Variants in TPM1 observed in about 807,000 individuals in gnomAD.
TPM1 encodes tropomyosin 1, also known as tropomyosin alpha-1 chain.
A neutral mutation model predicts 42.9 loss-of-function variants in TPM1; 24 were observed. The observed-to-expected ratio is 0.56, with a 90% CI of 0.41 to 0.79. The LOEUF is 0.79. Among genes scored for constraint, TPM1 ranks in the 30% least tolerant of loss-of-function variants. The pLI is 0.00. For synonymous variants in TPM1, 136 were observed against 130.1 expected (o/e 1.05, Z -0.31); for missense variants, 158 against 351.8 (o/e 0.45, Z 4.41).
chr15:63,061,826 TA>T, intron 6 of TPM1, 38 bp downstream of exon 6: 1 of 1,586,870 alleles, frequency 6.3e-7, no homozygotes, highest in Non-Finnish European at 8.7e-7. Context: ...AGGCATCTTT[TA>T]AGAGCTGCTC....
At chr15:63,062,106 C>T in intron 6 of TPM1, 109 bp from the exon 7 acceptor site, 1 of 968,478 alleles carries the variant, frequency 1.0e-6, no homozygotes. Context: ...TCCATTACCT[C>T]CTAAGAGATC....
At chr15:63,050,000 C>T (rs796528436) in intron 2 of TPM1, among the ~76,000 whole-genome samples, 3 of 152,208 alleles carry the variant, frequency 2.0e-5, no homozygotes, top group Non-Finnish European at 4.4e-5. Flanking sequence ...AATCCTGTCT[C>T]CACTACTTAC....
At chr15:63,048,213 G>T (rs751368102) in intron 2 of TPM1, 2 of 467,204 alleles carry the variant, frequency 4.3e-6, no homozygotes, top group South Asian at 1.5e-5. Context: ...GGCCCTAGAA[G>T]TGGAAGCCAG....
downstream of TPM1, among the ~76,000 whole-genome samples, chr15:63,069,622 C>T (rs1407472782): frequency 1.3e-5 from 2 of 152,122 alleles, no homozygotes; most frequent in East Asian, 1.9e-4. Context: ...TCCTGTTGCT[C>T]CTCCTCCCCT....
intron 2 of TPM1, among the ~76,000 whole-genome samples, chr15:63,052,223 T>C (rs1234290741): frequency 6.6e-6 from 1 of 152,174 alleles, no homozygotes; most frequent in Non-Finnish European, 1.5e-5. Flanking sequence ...TGGGCTGCTG[T>C]TAGAAGAAAG....
intron 1 of TPM1, 36 bp downstream of exon 1, chr15:63,042,979 G>C: frequency 6.5e-7 from 1 of 1,548,804 alleles, no homozygotes; most frequent in South Asian, 1.2e-5. Context: ...CGCGCCCAGA[G>C]CGCCGGGACT....
At position 63,042,797 on chromosome 15, in the gene TPM1, G is replaced by T. The variant is rs1242964493; in HGVS notation, c.-33G>T. ...ACCGCGCGCTCGCCCCGCCGCTCCT[G>T]CTGCAGCCCCAGGGCCCCTCGCCGC... On this transcript the variant is annotated 5_prime_UTR_variant, in exon 1 of 10. Transcript: ENST00000403994. 1 of 1,591,966 alleles carries T rather than the reference G, an allele frequency of 6.3e-7. No individual in the cohort carries two copies. The highest frequency in any genetic ancestry group is 8.6e-7 in the Non-Finnish European group (1 of 1,162,438).
chr15:63,054,217 G>A (rs891410985), intron 2 of TPM1, among the ~76,000 whole-genome samples: 1 of 152,140 alleles, frequency 6.6e-6, no homozygotes, highest in South Asian at 2.1e-4. Context: ...ATGCCCAGTC[G>A]TTGCTGGGGC....
intron 6 of TPM1, 176 bp downstream of exon 6, chr15:63,061,964 G>A (rs1225970756): frequency 1.2e-5 from 8 of 687,776 alleles, no homozygotes; most frequent in Non-Finnish European, 2.0e-5. Flanking sequence ...TTTATTTTAT[G>A]TTAGGGATAT....
At chr15:63,067,299 G>A (rs1444803229), downstream of TPM1, among the ~76,000 whole-genome samples, 1 of 152,184 alleles carries the variant, frequency 6.6e-6, no homozygotes, top group Non-Finnish European at 1.5e-5. Context: ...TTTAGTCATA[G>A]TATGGTGGAA....
At chr15:63,051,366 A>G (rs1596333609) in intron 2 of TPM1, among the ~76,000 whole-genome samples, 2 of 152,162 alleles carry the variant, frequency 1.3e-5, no homozygotes, top group Admixed American at 6.5e-5. Context: ...ACTGGAATGT[A>G]TACTCTCGAT....
chr15:63,047,311 A>C (rs745415313), intron 2 of TPM1: 5 of 152,278 alleles, frequency 3.3e-5, no homozygotes, highest in Non-Finnish European at 7.3e-5. Flanking sequence ...AGGGTTGTCA[A>C]GCATGTTTTC....
At chr15:63,048,867 G>A (rs1233879411) in intron 2 of TPM1, 2 of 915,506 alleles carry the variant, frequency 2.2e-6, no homozygotes, top group Non-Finnish European at 3.4e-6. Context: ...CGGGCTCTGG[G>A]GAGGGGCCCG....
chr15:63,070,360 T>G, downstream of TPM1: 1 of 999,178 alleles, frequency 1.0e-6, no homozygotes, highest in Non-Finnish European at 1.2e-6. Flanking sequence ...TATTCCTAAC[T>G]TCTAAATATC....
At chr15:63,048,839 A>T in intron 2 of TPM1, 1 of 1,268,958 alleles carries the variant, frequency 7.9e-7, no homozygotes, top group East Asian at 2.6e-5. Flanking sequence ...CACCTGGCGC[A>T]CCTGGGCCAG....
At chr15:63,057,921 C>T (rs1297068463) in intron 3 of TPM1, among the ~76,000 whole-genome samples, 1 of 152,134 alleles carries the variant, frequency 6.6e-6, no homozygotes, top group Non-Finnish European at 1.5e-5. Context: ...TGAAGGGGCT[C>T]AGAGCACTGA....
intron 3 of TPM1, among the ~76,000 whole-genome samples, chr15:63,058,783 A>G (rs1043841329): frequency 2.0e-5 from 3 of 152,230 alleles, no homozygotes; most frequent in African/African-American, 7.2e-5. Context: ...TCCATTTTAC[A>G]TGACTTGTTA....
intron 2 of TPM1, among the ~76,000 whole-genome samples, chr15:63,053,173 G>A (rs1268244730): frequency 3.3e-5 from 5 of 152,156 alleles, no homozygotes. Context: ...GTTTTATGAA[G>A]TTTTCAATTT....
chr15:63,044,253 G>T, intron 2 of TPM1, 101 bp downstream of exon 2: 1 of 1,568,666 alleles, frequency 6.4e-7, no homozygotes, highest in Admixed American at 1.7e-5. Flanking sequence ...ACCTTTTCCT[G>T]CTGGACACCT....
Sources: gnomAD v4.1 joint callset for allele counts (sites outside exome capture counted in the v4.1 genomes callset) on GRCh38, gnomAD v4.1.1 for gene constraint, MANE v1.5 for transcripts, NCBI Gene and HGNC (gene_info 2026-07-23, HGNC 2026-07-21) for gene names.